Variants in RANBP2 observed in about 807,000 individuals in gnomAD.
RANBP2 encodes E3 SUMO-protein ligase RanBP2.
Under a neutral mutation model 303.6 loss-of-function variants are expected in RANBP2, and 57 were observed. The ratio of observed to expected loss-of-function variants is 0.19; its 90% CI spans 0.15 to 0.23. RANBP2 has a LOEUF of 0.23. Ranked by LOEUF, RANBP2 falls within the 10% of genes least tolerant of loss-of-function variation. The pLI, the probability that RANBP2 is intolerant of heterozygous loss-of-function variation, is 1.00. For missense variants in RANBP2, 3,138 were observed against 3,780.8 expected, an observed-to-expected ratio of 0.83 and a Z score of 4.46; for synonymous variants, 1,167 against 1,301.5, an observed-to-expected ratio of 0.90 and a Z score of 2.23.
the RANBP2 span, among the ~76,000 whole-genome samples, chr2:109,343,271 C>G: frequency 2.0e-5 from 3 of 152,182 alleles, no homozygotes; most frequent in South Asian, 2.1e-4. Flanking sequence ...CTGGAGGTGC[C>G]GGGTGTCACC....
At chr2:109,489,724 A>T in the RANBP2 span, among the ~76,000 whole-genome samples, 1 of 120,712 alleles carries the variant, frequency 8.3e-6, no homozygotes, top group Non-Finnish European at 1.6e-5. Context: ...CAAGTGTCGG[A>T]CAAGGTTTTT....
At chr2:108,999,532 G>A in the RANBP2 span, among the ~76,000 whole-genome samples, 2 of 152,198 alleles carry the variant, frequency 1.3e-5, no homozygotes, top group African/African-American at 2.4e-5. Flanking sequence ...GCTTTATTGA[G>A]AGACCAGGCT....
chr2:109,330,369 T>A, the RANBP2 span, among the ~76,000 whole-genome samples: 1 of 152,250 alleles, frequency 6.6e-6, no homozygotes, highest in African/African-American at 2.4e-5. Context: ...TTTTTTTTTC[T>A]TGTCTTGGCA....
At chr2:109,747,692 T>C in the RANBP2 span, among the ~76,000 whole-genome samples, 1 of 149,334 alleles carries the variant, frequency 6.7e-6, no homozygotes, top group South Asian at 2.2e-4. Flanking sequence ...TGAGCCAAGA[T>C]TGCGCCATTG....
chr2:109,451,618 C>T, the RANBP2 span, among the ~76,000 whole-genome samples: 1 of 152,258 alleles, frequency 6.6e-6, no homozygotes, highest in Non-Finnish European at 1.5e-5. Context: ...CCAGCTGAGT[C>T]TGTTCCTAGC....
At chr2:109,423,073 G>A in the RANBP2 span, among the ~76,000 whole-genome samples, 5 of 152,304 alleles carry the variant, frequency 3.3e-5, no homozygotes, top group East Asian at 1.9e-4. Context: ...TTCCACAGTC[G>A]ATGGGTGCAG....
chr2:109,174,458 C>T, the RANBP2 span, among the ~76,000 whole-genome samples: 2 of 152,176 alleles, frequency 1.3e-5, no homozygotes, highest in Non-Finnish European at 2.9e-5. Flanking sequence ...GTGCCCTGAT[C>T]AGAGTAGGCA....
At chr2:108,793,589 T>TTTTTG in the RANBP2 span, among the ~76,000 whole-genome samples, 62 of 151,964 alleles carry the variant, frequency 4.1e-4, no homozygotes, top group Middle Eastern at 3.4e-3. Context: ...AGGAAACTTT[T>TTTTTG]TTTTGTTTTG....
At chr2:109,305,197 G>A in the RANBP2 span, among the ~76,000 whole-genome samples, 5 of 152,160 alleles carry the variant, frequency 3.3e-5, no homozygotes, top group Non-Finnish European at 5.9e-5. Flanking sequence ...GGGTTGTGAT[G>A]TTCTAATATA....
chr2:109,255,267 G>C, the RANBP2 span, among the ~76,000 whole-genome samples: 1 of 152,140 alleles, frequency 6.6e-6, no homozygotes, highest in Non-Finnish European at 1.5e-5. Flanking sequence ...CCAGTGAATG[G>C]GTCACACTGT....
the RANBP2 span, among the ~76,000 whole-genome samples, chr2:108,801,949 C>T: frequency 1.6e-5 from 1 of 63,316 alleles, no homozygotes; most frequent in East Asian, 7.9e-4. Flanking sequence ...AGGTATGCGG[C>T]GTTATTTCTG....
chr2:109,699,834 G>A, the RANBP2 span, among the ~76,000 whole-genome samples: 1 of 152,070 alleles, frequency 6.6e-6, no homozygotes, highest in African/African-American at 2.4e-5. Context: ...GCGGAGGGGA[G>A]GGCTCTTCAG....
the RANBP2 span, among the ~76,000 whole-genome samples, chr2:109,634,679 GA>G: frequency 2.8e-4 from 43 of 152,326 alleles, no homozygotes; most frequent in South Asian, 8.3e-4. Context: ...CATCTATGTG[GA>G]AAAATCAAAA....
At chr2:109,439,945 TAGG>T in the RANBP2 span, among the ~76,000 whole-genome samples, 3 of 151,418 alleles carry the variant, frequency 2.0e-5, no homozygotes, top group Non-Finnish European at 4.4e-5. Flanking sequence ...GGGAGGAAAA[TAGG>T]AGGGGGATTG....
chr2:108,845,067 T>G, the RANBP2 span, among the ~76,000 whole-genome samples: 2 of 152,020 alleles, frequency 1.3e-5, no homozygotes, highest in African/African-American at 4.8e-5. Context: ...TTCAAGTTTA[T>G]TTTTTCATTA....
the RANBP2 span, among the ~76,000 whole-genome samples, chr2:109,705,683 A>G: frequency 0.031 from 4,792 of 152,262 alleles, 239 homozygotes; most frequent in African/African-American, 0.1. Flanking sequence ...AGGCAGAACC[A>G]TCCCTGGGCC....
intron 25 of RANBP2, among the ~76,000 whole-genome samples, chr2:108,780,973 T>C (rs1385692049): frequency 1.3e-5 from 2 of 152,116 alleles, no homozygotes; most frequent in Non-Finnish European, 2.9e-5. Flanking sequence ...CCTCACAAAG[T>C]GCTGGGATTA....
At chr2:109,429,668 C>T in the RANBP2 span, among the ~76,000 whole-genome samples, 1 of 152,194 alleles carries the variant, frequency 6.6e-6, no homozygotes, top group South Asian at 2.1e-4. Context: ...GCGCTGACAG[C>T]TCCAGCAGCC....
At chr2:109,528,346 G>T in the RANBP2 span, among the ~76,000 whole-genome samples, 1 of 152,230 alleles carries the variant, frequency 6.6e-6, no homozygotes, top group Non-Finnish European at 1.5e-5. Flanking sequence ...CCAATTGCCC[G>T]CAATAAACAT....
Sources: allele counts gnomAD v4.1 joint callset (sites outside exome capture counted in the v4.1 genomes callset), GRCh38; gene constraint gnomAD v4.1.1; transcripts MANE v1.5; gene names NCBI Gene and HGNC (gene_info 2026-07-23, HGNC 2026-07-21).